The following METTL13 variants were observed in gnomAD, a reference collection of about 807,000 sequenced individuals.
The protein encoded by METTL13 is methyltransferase 13, eEF1A N-terminus and K55.
Under a neutral mutation model 67.4 loss-of-function variants are expected in METTL13, and 52 were observed. The observed-to-expected ratio is 0.77, with a 90% confidence interval of 0.62 to 0.97. The LOEUF is 0.97. Ranked by LOEUF, METTL13 falls within the 50% of genes least tolerant of loss-of-function variation. The pLI is 0.00. For synonymous variants in METTL13, 354 were observed against 353.6 expected (o/e 1.00, Z -0.01); for missense variants, 825 against 889.6 (o/e 0.93, Z 0.92).
At chr1:171,791,364 G>A (rs1657199097) in intron 5 of METTL13, among the ~76,000 whole-genome samples, 1 of 152,192 alleles carries the variant, frequency 6.6e-6, no homozygotes, top group Admixed American at 6.5e-5. Flanking sequence ...AGACGGTGTG[G>A]CCTTTTGAGT....
rs917157232 is a variant in METTL13, at chr1:171,796,336, T to C, written c.1826-146T>C. 9 of 919,696 alleles carry C rather than the reference T, an allele frequency of 9.8e-6. No homozygotes were observed. In the Admixed American group the frequency reaches 1.8e-4, roughly 19 times the overall value. The allele number at this position is 919,696 out of a possible 1,614,324, so 57.0% of individuals were successfully genotyped here. A position where few individuals can be genotyped will look rare whatever the true frequency, so the allele number is the denominator to read the frequency against. On this transcript the variant is annotated intron_variant, in intron 7 of 7. Transcript: ENST00000361735. ...TTTCTCCATCTGCCTTTCTATGCTG[T>C]GTATTCTCTGCAAACTCATCACCAC...
intron 2 of METTL13, among the ~76,000 whole-genome samples, chr1:171,785,459 G>A (rs528776985): frequency 6.6e-6 from 1 of 152,334 alleles, no homozygotes; most frequent in South Asian, 2.1e-4. Context: ...ATTGTGCGAA[G>A]TTGGGCAAAT....
At position 171,787,875 on chromosome 1, in the gene METTL13, C is replaced by T. The variant is rs750530869; in HGVS notation, c.1254C>T (p.Ser418=). The change falls in exon 4 of 8, where the codon AGC becomes AGT. Residue 418 remains serine, a synonymous_variant. Transcript: ENST00000361735. The part of the protein sequence containing the change: ...KRYFRRLIFL[S]NRNVVQSEAR... Reference sequence around the variant, plus strand: ...ACTTCCGTCGACTGATCTTCCTCAGCAACAGGAATGTGGTGCAGTCCGAAG... The same window carrying T: ...ACTTCCGTCGACTGATCTTCCTCAGTAACAGGAATGTGGTGCAGTCCGAAG... 1.2e-6 allele frequency: 2 copies of T among 1,613,964 alleles called. No individual in the cohort carries two copies. Among genetic ancestry groups the T allele is most frequent in the Non-Finnish European group, 1.7e-6 (2 of 1,180,008 alleles).
Position 171,784,045 on chromosome 1 carries a change from C to A in METTL13, c.459C>A (p.Gly153=), listed in dbSNP as rs752354940. The change falls in exon 2 of 8, where the codon GGC becomes GGA. Residue 153 remains glycine, a synonymous_variant. Transcript: ENST00000361735. ...AGGTTGGCCGTGTCCTGCAGGTGGGCGGTCGCTATCTCTGCATCTCCCTGG... is the reference window on the plus strand; with the variant it reads ...AGGTTGGCCGTGTCCTGCAGGTGGGAGGTCGCTATCTCTGCATCTCCCTGG... ...LAEVGRVLQV[G]GRYLCISLAQ... The A allele has an allele frequency of 1.2e-6, 2 of 1,614,170 alleles. No individual in the cohort carries two copies. Among genetic ancestry groups the A allele is most frequent in the Non-Finnish European group, 1.7e-6 (2 of 1,180,018 alleles).
intron 6 of METTL13, among the ~76,000 whole-genome samples, chr1:171,793,585 A>G (rs1657273843): frequency 1.3e-5 from 2 of 152,254 alleles, no homozygotes; most frequent in African/African-American, 4.8e-5. Context: ...TTAAATACTT[A>G]TTAATTATTG....
At chr1:171,789,648 A>G (rs1657135747) in intron 4 of METTL13, among the ~76,000 whole-genome samples, 1 of 152,212 alleles carries the variant, frequency 6.6e-6, no homozygotes, top group African/African-American at 2.4e-5. Flanking sequence ...GGTGATTAGT[A>G]ACTTTACCTT....
intron 4 of METTL13, among the ~76,000 whole-genome samples, chr1:171,789,379 G>A (rs1195103460): frequency 3.3e-5 from 5 of 152,124 alleles, no homozygotes; most frequent in African/African-American, 7.2e-5. Context: ...GGCTTTTTAG[G>A]ATTTATTTCC....
At chr1:171,788,973 A>T (rs536490083) in intron 4 of METTL13, among the ~76,000 whole-genome samples, 33 of 152,306 alleles carry the variant, frequency 2.2e-4, no homozygotes, top group African/African-American at 7.7e-4. Flanking sequence ...TTCCCTGGCC[A>T]AGAGCACCCA....
In METTL13 at chr1:171,790,488, G is replaced by A. The variant is rs199675966; in HGVS notation, c.1346G>A (p.Arg449Gln). The A allele has an allele frequency of 1.1e-5, 17 of 1,608,874 alleles. No homozygotes were observed. Among genetic ancestry groups the A allele is most frequent in the African/African-American group, 6.7e-5 (5 of 74,638 alleles). Residue 449 changes from arginine (R) to glutamine (Q), a missense_variant, in exon 5 of 8, where the codon CGG becomes CAG. By Grantham distance (43) the Arg-to-Gln change is conservative (BLOSUM62 1). Coordinates refer to ENST00000361735, the MANE Select transcript of METTL13 (RefSeq NM_015935.5). ...KKRKKDRKKQRPADAEDLPAA... is the reference protein window; with the variant it reads ...KKRKKDRKKQQPADAEDLPAA... ...CGGAAAAAGGACAGGAAGAAGCAGCGGCCTGCTGATGCGGAGGACCTCCCT... is the reference window on the plus strand; with the variant it reads ...CGGAAAAAGGACAGGAAGAAGCAGCAGCCTGCTGATGCGGAGGACCTCCCT...
In METTL13 at chr1:171,784,019, G is replaced by T; in HGVS notation, c.433G>T (p.Glu145Ter). ...TLQQVDRMLA[E>*]VGRVLQVGGR... ...ACAACAGGTGGACAGGATGCTGGCTGAGGTTGGCCGTGTCCTGCAGGTGGG... is the reference window on the plus strand; with the variant it reads ...ACAACAGGTGGACAGGATGCTGGCTTAGGTTGGCCGTGTCCTGCAGGTGGG... The change falls in exon 2 of 8, where the codon GAG becomes TAG. Residue 145 changes from glutamate to a stop codon, truncating the protein, a stop_gained. Coordinates refer to ENST00000361735, the MANE Select transcript of METTL13 (RefSeq NM_015935.5). LOFTEE classifies it high-confidence loss of function. 1.2e-6 allele frequency: 2 copies of T among 1,614,258 alleles called. No homozygotes were observed. Among genetic ancestry groups the T allele is most frequent in the Non-Finnish European group, 1.7e-6 (2 of 1,180,044 alleles).
chr1:171,787,529 C>T (rs1424425365), intron 3 of METTL13, among the ~76,000 whole-genome samples: 2 of 152,082 alleles, frequency 1.3e-5, no homozygotes, highest in Non-Finnish European at 2.9e-5. Flanking sequence ...TTTATGTGTC[C>T]AGTTGATTTT....
At chr1:171,788,277 C>T (rs959715407) in intron 4 of METTL13, among the ~76,000 whole-genome samples, 2 of 152,136 alleles carry the variant, frequency 1.3e-5, no homozygotes, top group African/African-American at 4.8e-5. Flanking sequence ...TGAGCCCTGC[C>T]CTCCATAGTG....
intron 1 of METTL13, 106 bp from the exon 2 acceptor site, chr1:171,783,634 T>C: frequency 7.4e-7 from 1 of 1,349,808 alleles, no homozygotes; most frequent in Non-Finnish European, 1.0e-6. Flanking sequence ...CGTCTCCACC[T>C]TCTGAAAATG....
Position 171,792,074 on chromosome 1 carries a change from T to C in METTL13, c.1532T>C (p.Val511Ala). ...GLGGGSLPLF[V>A]HDHFPKSCID... Reference sequence around the variant, plus strand: ...GGCGGGGGCAGCCTCCCCCTCTTTGTCCACGATCATTTTCCAAAGTCCTGC... The same window carrying C: ...GGCGGGGGCAGCCTCCCCCTCTTTGCCCACGATCATTTTCCAAAGTCCTGC... The change falls in exon 6 of 8, where the codon GTC becomes GCC. Residue 511 changes from valine (V) to alanine (A), a missense_variant. Physicochemically the swap from Val to Ala is moderately conservative, Grantham distance 64. Coordinates refer to ENST00000361735, the MANE Select transcript of METTL13 (RefSeq NM_015935.5). 6.2e-7 allele frequency: 1 copy of C among 1,613,582 alleles called. No homozygotes were observed. The highest frequency in any genetic ancestry group is 8.5e-7 in the Non-Finnish European group (1 of 1,180,038).
In METTL13 at chr1:171,781,916, T is replaced by C; in HGVS notation, c.-52T>C. The C allele has an allele frequency of 1.2e-6, 2 of 1,605,424 alleles. No individual in the cohort carries two copies. The highest frequency in any genetic ancestry group is 1.7e-4 in the Middle Eastern group (1 of 6,012). ...TGTGGTGGGCAAGCTCCTCAAATGGTATCTCACAGGGAATAGGGGAGTCTT... is the reference window on the plus strand; with the variant it reads ...TGTGGTGGGCAAGCTCCTCAAATGGCATCTCACAGGGAATAGGGGAGTCTT... On this transcript the variant is annotated 5_prime_UTR_variant, in exon 1 of 8. Transcript: ENST00000361735.
Position 171,787,849 on chromosome 1 carries a change from T to C in METTL13, c.1228T>C (p.Tyr410His). ...IEDVQGDDKR[Y>H]FRRLIFLSNR... is the part of the protein sequence containing the mutation. ...GGATGTGCAAGGGGATGACAAGCGA[T>C]ACTTCCGTCGACTGATCTTCCTCAG... The change falls in exon 4 of 8, where the codon TAC (tyrosine) becomes CAC (histidine). Residue 410 changes from tyrosine to histidine, a missense_variant. Coordinates refer to ENST00000361735, the MANE Select transcript of METTL13 (RefSeq NM_015935.5). 6.2e-7 allele frequency: 1 copy of C among 1,614,228 alleles called. No individual in the cohort carries two copies. Among genetic ancestry groups the C allele is most frequent in the Non-Finnish European group, 8.5e-7 (1 of 1,180,038 alleles).
Position 171,784,297 on chromosome 1 carries a change from G to C in METTL13, c.711G>C (p.Glu237Asp). ...AQEQRKPVRLESAERLAEAVQ... is the reference protein window; with the variant it reads ...AQEQRKPVRLDSAERLAEAVQ... ...AGCAGCGCAAGCCTGTGCGGCTGGA[G>C]AGTGCCGAGCGGCTGGCCGAGGCGG... Residue 237 changes from glutamate to aspartate, a missense_variant, in exon 2 of 8, where the codon GAG becomes GAC. Transcript: ENST00000361735. 1 of 1,611,546 alleles carries C rather than the reference G, an allele frequency of 6.2e-7. No homozygotes were observed. The highest frequency in any genetic ancestry group is 1.3e-5 in the African/African-American group (1 of 75,032).
At position 171,790,480 on chromosome 1, in the gene METTL13, G is replaced by A; in HGVS notation, c.1338G>A (p.Lys446=). 1 of 1,606,924 alleles carries A rather than the reference G, an allele frequency of 6.2e-7. No individual in the cohort carries two copies. Among genetic ancestry groups the A allele is most frequent in the East Asian group, 2.2e-5 (1 of 44,618 alleles). Residue 446 remains lysine (K), a synonymous_variant, in exon 5 of 8, where the codon AAG becomes AAA. Coordinates refer to ENST00000361735, the MANE Select transcript of METTL13 (RefSeq NM_015935.5). ...KAQKKRKKDR[K]KQRPADAEDL... is the part of the protein sequence containing the mutation. ...AGAAGAAGCGGAAAAAGGACAGGAAGAAGCAGCGGCCTGCTGATGCGGAGG... is the reference window on the plus strand; with the variant it reads ...AGAAGAAGCGGAAAAAGGACAGGAAAAAGCAGCGGCCTGCTGATGCGGAGG...
rs1486226429 is a variant in METTL13, at chr1:171,790,552, T to C, written c.1410T>C (p.Cys470=). 3 of 1,612,314 alleles carry C rather than the reference T, an allele frequency of 1.9e-6. No homozygotes were observed. Among genetic ancestry groups the C allele is most frequent in the East Asian group, 4.5e-5 (2 of 44,746 alleles). Residue 470 remains cysteine, a synonymous_variant, in exon 5 of 8, where the codon TGT becomes TGC. Coordinates refer to ENST00000361735, the MANE Select transcript of METTL13 (RefSeq NM_015935.5). ...AGTCCATTGATAAGAGTTACCTGTG[T>C]TGTGAACACCACAAAGCCATGATCG... is the stretch of plus-strand genomic sequence containing the variant. ...PGQSIDKSYL[C]CEHHKAMIAG...
Sources: gnomAD v4.1 joint callset for allele counts (sites outside exome capture counted in the v4.1 genomes callset) on GRCh38, gnomAD v4.1.1 for gene constraint, MANE v1.5 for transcripts, NCBI Gene and HGNC (gene_info 2026-07-23, HGNC 2026-07-21) for gene names.